The following EVC variants were observed in gnomAD, a reference collection of about 807,000 sequenced individuals.
EVC encodes the protein EvC ciliary complex subunit 1.
A neutral mutation model predicts 118.9 loss-of-function variants in EVC; 116 were observed. The ratio of observed to expected loss-of-function variants is 0.98; its 90% confidence interval spans 0.84 to 1.14. EVC has a LOEUF of 1.14. EVC is among the 50% of genes most tolerant of loss of function. The pLI is 0.00. For synonymous variants in EVC, 619 were observed against 534.7 expected, an observed-to-expected ratio of 1.16 and a Z score of -2.18; for missense variants, 1,401 against 1,246.4, an observed-to-expected ratio of 1.12 and a Z score of -1.87.
intron 2 of EVC, among the ~76,000 whole-genome samples, chr4:5,726,002 G>A (rs931408403): frequency 3.3e-5 from 5 of 152,198 alleles, no homozygotes; most frequent in Admixed American, 6.5e-5. Flanking sequence ...TGTCCCTCCC[G>A]TGTTGCTCAC....
Position 5,745,190 on chromosome 4 carries a change from T to C in EVC, c.802-14T>C, listed in dbSNP as rs748894265. On this transcript the variant is annotated splice_polypyrimidine_tract_variant and intron_variant, in intron 6 of 20. Transcript: ENST00000264956. ...CTTTGTTTATTTGCTTTCTTTTTTC[T>C]TCTTCTTCTTCAGGATTTGGAGGAA... 6.2e-7 allele frequency: 1 copy of C among 1,611,030 alleles called. No individual in the cohort carries two copies. The highest frequency in any genetic ancestry group is 8.5e-7 in the Non-Finnish European group (1 of 1,178,758).
chr4:5,776,400 C>A (rs1181400700), intron 11 of EVC, among the ~76,000 whole-genome samples: 1 of 152,070 alleles, frequency 6.6e-6, no homozygotes, highest in Non-Finnish European at 1.5e-5. Context: ...TTCACTCATT[C>A]ATTCTTTAAA....
rs1379620550 is a variant in EVC, at chr4:5,711,258, A to C, written c.-123A>C. ...CAGGAGTCGGGAGACTGCACAGGCC[A>C]GAAAGTCTGCGGAGCGGGCCGCGCC... On this transcript the variant is annotated 5_prime_UTR_variant, in exon 1 of 21. Transcript: ENST00000264956. 1 of 601,596 alleles carries C rather than the reference A, an allele frequency of 1.7e-6. No individual in the cohort carries two copies. Among genetic ancestry groups the C allele is most frequent in the Non-Finnish European group, 2.1e-6 (1 of 478,576 alleles). The allele number at this position is 601,596 out of a possible 1,614,324, so 37.3% of individuals were successfully genotyped here.
downstream of EVC, among the ~76,000 whole-genome samples, chr4:5,817,104 A>G (rs190022829): frequency 3.5e-3 from 540 of 152,346 alleles, 7 homozygotes; most frequent in East Asian, 5.4e-3. Flanking sequence ...CCCCTGCACC[A>G]GGCATTTGCC....
downstream of EVC, among the ~76,000 whole-genome samples, chr4:5,816,684 TC>T (rs1283553192): frequency 9.1e-4 from 92 of 101,406 alleles, no homozygotes; most frequent in Non-Finnish European, 1.3e-3. Context: ...CTTCCCTCCC[TC>T]CCTTCCCTTC....
intron 12 of EVC, among the ~76,000 whole-genome samples, chr4:5,784,684 T>A (rs1198719078): frequency 1.0e-4 from 15 of 147,174 alleles, no homozygotes; most frequent in Admixed American, 5.0e-4. Context: ...CTTGGCTCAC[T>A]GCAACCTCCG....
chr4:5,745,082 T>A (rs1276692956), intron 6 of EVC, 122 bp from the exon 7 acceptor site: 2 of 980,326 alleles, frequency 2.0e-6, no homozygotes, highest in African/African-American at 3.3e-5. Context: ...CCAGAGCATT[T>A]AACTATTGTT....
chr4:5,767,385 C>G (rs973965725), intron 11 of EVC, among the ~76,000 whole-genome samples: 2 of 138,610 alleles, frequency 1.4e-5, no homozygotes, highest in Admixed American at 1.4e-4. Flanking sequence ...GAGATGGAAC[C>G]TCCAGAGGCA....
chr4:5,798,805 C>A lies in EVC; in HGVS notation c.2304+13C>A, dbSNP rs1297028589. The stretch of plus-strand genomic sequence containing the variant: ...GGATGACTTCAAGGTATGCACTGAC[C>A]TCTGTCCCTGGGGACACCGAGGGCA... On this transcript the variant is annotated intron_variant, in intron 15 of 20. Coordinates refer to ENST00000264956, the MANE Select transcript of EVC (RefSeq NM_153717.3). The surrounding 1 kb of genome is among the most constrained non-coding windows in gnomAD (Gnocchi z 4.1). 2 of 1,609,102 alleles carry A rather than the reference C, an allele frequency of 1.2e-6. No homozygotes were observed.
At chr4:5,807,116 C>T (rs1463556216) in intron 17 of EVC, among the ~76,000 whole-genome samples, 1 of 152,188 alleles carries the variant, frequency 6.6e-6, no homozygotes, top group Non-Finnish European at 1.5e-5. Context: ...TTACTGTCCA[C>T]CCTCCTTCCT....
At chr4:5,805,899 T>TTTTC (rs1715813786) in intron 17 of EVC, among the ~76,000 whole-genome samples, 1 of 149,652 alleles carries the variant, frequency 6.7e-6, no homozygotes, top group Admixed American at 6.6e-5. Flanking sequence ...TTCTTTTTTT[T>TTTTC]TTTTTTTTTT....
the EVC span, chr4:5,828,518 G>T: frequency 6.2e-7 from 1 of 1,614,252 alleles, no homozygotes; most frequent in Non-Finnish European, 8.5e-7. Flanking sequence ...CGCTGGTACA[G>T]GTGCTCCGGG....
rs761553327 is a variant in EVC, at chr4:5,809,558, C to T, written c.2729C>T (p.Ala910Val). The T allele has an allele frequency of 1.2e-6, 2 of 1,614,086 alleles. No homozygotes were observed. The highest frequency in any genetic ancestry group is 1.7e-6 in the Non-Finnish European group (2 of 1,180,052). ...TTCATCTCCGAGCTGGCAGCCTTGG[C>T]CCGAGTGCCCCTTGCTGAAAGCAAA... ...QNFISELAAL[A>V]RVPLAESKLL... Residue 910 changes from alanine to valine, a missense_variant, in exon 19 of 21, where the codon GCC becomes GTC. Coordinates refer to ENST00000264956, the MANE Select transcript of EVC (RefSeq NM_153717.3).
chr4:5,762,596 G>A (rs28858149), intron 11 of EVC, among the ~76,000 whole-genome samples: 5 of 149,308 alleles, frequency 3.3e-5, no homozygotes, highest in South Asian at 4.3e-4. Flanking sequence ...TTGCCATTCT[G>A]ACTGGTGTGA....
intron 1 of EVC, among the ~76,000 whole-genome samples, chr4:5,717,656 A>G (rs113300242): frequency 0.025 from 3,848 of 152,322 alleles, 53 homozygotes; most frequent in Admixed American, 0.034. Context: ...GTTTCTCTCT[A>G]TGCCCAGCAT....
In EVC at chr4:5,738,133, G is replaced by A. The variant is rs1424890757; in HGVS notation, c.703-3583G>A. ...CAGAACTTCAGTGGAGGAAGTCATT[G>A]GAAATGTGGAAATAGCAAGAAAACT... On this transcript the variant is annotated intron_variant, in intron 5 of 20. Transcript: ENST00000264956. This position sits in a 1 kb window ranked among gnomAD's most constrained non-coding sequence, Gnocchi z 6.5. Among the ~76,000 whole-genome samples the A allele has an allele frequency of 2.6e-5, 4 of 152,176 alleles. No individual in the cohort carries two copies. The highest frequency in any genetic ancestry group is 1.9e-4 in the East Asian group (1 of 5,196).
chr4:5,752,748 C>G, intron 8 of EVC, 88 bp from the exon 9 acceptor site: 5 of 1,325,050 alleles, frequency 3.8e-6, no homozygotes, highest in Non-Finnish European at 4.4e-6. Flanking sequence ...AGTTAATGAC[C>G]CTGGTGGCTT....
intron 3 of EVC, 22 bp downstream of exon 3, chr4:5,729,412 A>C: frequency 1.2e-6 from 2 of 1,608,956 alleles, no homozygotes; most frequent in Non-Finnish European, 1.7e-6. Context: ...GAGCTCCATC[A>C]TAGAAAGCCA....
At chr4:5,804,934 T>C in intron 17 of EVC, 93 bp downstream of exon 17, 1 of 1,140,908 alleles carries the variant, frequency 8.8e-7, no homozygotes, top group Admixed American at 1.9e-5. Context: ...TGCCGTCGCG[T>C]GCATTGCCCG....
Sources: gnomAD v4.1 joint callset for allele counts (sites outside exome capture counted in the v4.1 genomes callset) on GRCh38, gnomAD v4.1.1 for gene constraint, Gnocchi (gnomAD v3.1) non-coding constraint, MANE v1.5 for transcripts, NCBI Gene and HGNC (gene_info 2026-07-23, HGNC 2026-07-21) for gene names.